The following NCKAP5 variants were observed in gnomAD, a reference collection of about 807,000 sequenced individuals.
NCKAP5 encodes the protein nck-associated protein 5.
In NCKAP5, 92 loss-of-function variants were observed where a neutral mutation model predicts 167.0. The observed-to-expected ratio is 0.55, with a 90% confidence interval of 0.47 to 0.66. NCKAP5 has a LOEUF of 0.66. NCKAP5 is among the 30% of genes least tolerant of loss of function. The pLI is 0.00. For missense variants in NCKAP5, 2,378 were observed against 2,315.0 expected, an observed-to-expected ratio of 1.03 and a Z score of -0.56; for synonymous variants, 891 against 877.4, an observed-to-expected ratio of 1.02 and a Z score of -0.27.
chr2:133,204,667 G>T (rs537535398), intron 5 of NCKAP5, among the ~76,000 whole-genome samples: 8 of 152,208 alleles, frequency 5.3e-5, no homozygotes, highest in Middle Eastern at 3.4e-3. Context: ...GGGATTGCTG[G>T]GTCACAGGCT....
intron 16 of NCKAP5, among the ~76,000 whole-genome samples, chr2:132,759,568 C>T (rs552609799): frequency 9.2e-5 from 14 of 152,226 alleles, no homozygotes; most frequent in Middle Eastern, 3.4e-3. Flanking sequence ...ACTCCCAAAT[C>T]GATTTCATGA....
At chr2:132,734,976 C>T (rs2105515723) in intron 16 of NCKAP5, among the ~76,000 whole-genome samples, 1 of 152,360 alleles carries the variant, frequency 6.6e-6, no homozygotes, top group East Asian at 1.9e-4. Context: ...GAAATTGGTG[C>T]TGGCCCTGGA....
chr2:133,384,393 T>G (rs946803212), intron 3 of NCKAP5, among the ~76,000 whole-genome samples: 7 of 152,214 alleles, frequency 4.6e-5, no homozygotes, highest in African/African-American at 1.2e-4. Flanking sequence ...TTCTGAGGTC[T>G]CTGTTCTGTT....
chr2:133,364,903 A>T (rs1169584452), intron 3 of NCKAP5, among the ~76,000 whole-genome samples: 1 of 152,016 alleles, frequency 6.6e-6, no homozygotes, highest in East Asian at 1.9e-4. Context: ...GGTACATGCC[A>T]CCATGCTCGG....
At chr2:132,999,947 A>G (rs2077725734) in intron 6 of NCKAP5, among the ~76,000 whole-genome samples, 1 of 152,250 alleles carries the variant, frequency 6.6e-6, no homozygotes, top group Admixed American at 6.5e-5. Context: ...GATAACTGAT[A>G]GGGTTCATTC....
At chr2:132,809,419 A>T (rs1356237951) in intron 11 of NCKAP5, among the ~76,000 whole-genome samples, 1 of 152,038 alleles carries the variant, frequency 6.6e-6, no homozygotes, top group Non-Finnish European at 1.5e-5. Context: ...TCTTAGGTCT[A>T]TTAGTAATTG....
chr2:133,148,731 G>T (rs2083285852), intron 5 of NCKAP5, among the ~76,000 whole-genome samples: 1 of 152,072 alleles, frequency 6.6e-6, no homozygotes, highest in African/African-American at 2.4e-5. Context: ...GGTAGAGAAA[G>T]GGCAAGCAAG....
chr2:132,806,011 G>A (rs1008643385), intron 11 of NCKAP5, among the ~76,000 whole-genome samples: 4 of 152,066 alleles, frequency 2.6e-5, no homozygotes, highest in Admixed American at 6.6e-5. Flanking sequence ...TCACATATCA[G>A]TGAGAACATA....
chr2:132,748,940 C>T (rs1679880773), intron 16 of NCKAP5, among the ~76,000 whole-genome samples: 1 of 151,990 alleles, frequency 6.6e-6, no homozygotes, highest in African/African-American at 2.4e-5. Context: ...CATGCCACCA[C>T]ACCCAGCTAA....
chr2:132,678,240 G>A (rs772491438), intron 19 of NCKAP5, among the ~76,000 whole-genome samples: 14 of 152,104 alleles, frequency 9.2e-5, no homozygotes, highest in Non-Finnish European at 2.1e-4. Context: ...TCCTGTTCAT[G>A]GTAGAGGAGA....
At chr2:133,269,645 T>G (rs911590664) in intron 4 of NCKAP5, among the ~76,000 whole-genome samples, 1 of 152,084 alleles carries the variant, frequency 6.6e-6, no homozygotes, top group Non-Finnish European at 1.5e-5. Flanking sequence ...GTGGGGCCAA[T>G]TAAAGGACTT....
intron 3 of NCKAP5, among the ~76,000 whole-genome samples, chr2:133,326,611 C>T (rs2150701518): frequency 6.6e-6 from 1 of 152,012 alleles, no homozygotes; most frequent in Middle Eastern, 3.4e-3. Context: ...ATTTGAAATG[C>T]TTTGCAGAAA....
At chr2:132,996,946 G>A (rs1438133684) in intron 6 of NCKAP5, among the ~76,000 whole-genome samples, 2 of 152,160 alleles carry the variant, frequency 1.3e-5, no homozygotes, top group Non-Finnish European at 2.9e-5. Flanking sequence ...ACCTGAACTG[G>A]TTATCTTTTC....
intron 3 of NCKAP5, among the ~76,000 whole-genome samples, chr2:133,351,128 G>A (rs1439521192): frequency 6.6e-6 from 1 of 152,140 alleles, no homozygotes; most frequent in African/African-American, 2.4e-5. Flanking sequence ...CATGAAGCTG[G>A]TGGACAATTA....
At chr2:132,850,640 G>A (rs1470606567) in intron 11 of NCKAP5, among the ~76,000 whole-genome samples, 2 of 152,022 alleles carry the variant, frequency 1.3e-5, no homozygotes, top group Non-Finnish European at 2.9e-5. Flanking sequence ...GACCACACTG[G>A]CCTTCAGCCA....
At chr2:132,725,839 G>T in intron 18 of NCKAP5, 80 bp from the exon 19 acceptor site, 1 of 1,399,186 alleles carries the variant, frequency 7.1e-7, no homozygotes, top group Non-Finnish European at 9.9e-7. Context: ...ATGCGACACA[G>T]TTCACATCTG....
At chr2:133,172,014 T>A (rs1278535447) in intron 5 of NCKAP5, among the ~76,000 whole-genome samples, 1 of 152,208 alleles carries the variant, frequency 6.6e-6, no homozygotes, top group Non-Finnish European at 1.5e-5. Flanking sequence ...ATATTAAAAG[T>A]ATCTTCCATC....
intron 5 of NCKAP5, among the ~76,000 whole-genome samples, chr2:133,211,689 G>T (rs1465036146): frequency 6.6e-6 from 1 of 152,134 alleles, no homozygotes; most frequent in Non-Finnish European, 1.5e-5. Flanking sequence ...ATAGTGCTGG[G>T]CACATAATAA....
intron 3 of NCKAP5, among the ~76,000 whole-genome samples, chr2:133,359,935 G>A (rs1267615399): frequency 1.3e-5 from 2 of 152,126 alleles, no homozygotes; most frequent in Non-Finnish European, 2.9e-5. Flanking sequence ...GAAACTGAGG[G>A]CGAAATTGAT....
Sources: allele counts gnomAD v4.1 joint callset (sites outside exome capture counted in the v4.1 genomes callset), GRCh38; gene constraint gnomAD v4.1.1; transcripts MANE v1.5; gene names NCBI Gene and HGNC (gene_info 2026-07-23, HGNC 2026-07-21).